TNRC6B: variants seen among roughly 807,000 people sequenced by gnomAD.
TNRC6B encodes the protein trinucleotide repeat-containing gene 6B protein.
In TNRC6B, 52 loss-of-function variants were observed where a neutral mutation model predicts 203.6. That is an observed-to-expected ratio of 0.26 (90% CI 0.20 to 0.32). The LOEUF (loss-of-function observed/expected upper bound fraction) is 0.32, where lower values mean the gene tolerates loss of function less well. Among genes scored for constraint, TNRC6B ranks in the 10% least tolerant of loss-of-function variants. TNRC6B has a pLI of 1.00. For synonymous variants in TNRC6B, 838 were observed against 845.7 expected (o/e 0.99, Z 0.16); for missense variants, 1,923 against 2,286.2 (o/e 0.84, Z 3.24).
At chr22:40,299,767 TG>T (rs1363029634) in intron 12 of TNRC6B, among the ~76,000 whole-genome samples, 2 of 152,154 alleles carry the variant, frequency 1.3e-5, no homozygotes, top group Non-Finnish European at 2.9e-5. Context: ...ACTAGTCCAG[TG>T]GGTTCAGTAG....
chr22:40,249,765 G>A (rs2070160731), intron 2 of TNRC6B, among the ~76,000 whole-genome samples: 1 of 152,180 alleles, frequency 6.6e-6, no homozygotes, highest in South Asian at 2.1e-4. Context: ...TTCATTCTTG[G>A]ATAAGTAAAG....
intron 1 of TNRC6B, among the ~76,000 whole-genome samples, chr22:40,199,429 C>G (rs2069381223): frequency 6.6e-6 from 1 of 152,122 alleles, no homozygotes. Context: ...AGAGAACACA[C>G]CATTCCCTCT....
chr22:40,263,527 G>A (rs543068558), intron 4 of TNRC6B, among the ~76,000 whole-genome samples: 22 of 152,246 alleles, frequency 1.4e-4, no homozygotes, highest in Admixed American at 3.3e-4. Context: ...AAACGGAGGA[G>A]GCCCCTAAAT....
intron 1 of TNRC6B, among the ~76,000 whole-genome samples, chr22:40,066,638 T>C (rs2067895602): frequency 6.6e-6 from 1 of 152,160 alleles, no homozygotes; most frequent in Non-Finnish European, 1.5e-5. Flanking sequence ...AGTATTTTCA[T>C]TGGTAACCTG....
intron 4 of TNRC6B, among the ~76,000 whole-genome samples, chr22:40,170,828 T>C (rs868413505): frequency 1.6e-5 from 1 of 61,098 alleles, no homozygotes; most frequent in Non-Finnish European, 3.1e-5. Flanking sequence ...TGTGTGTGTA[T>C]ATACATATAT....
chr22:40,124,897 C>T (rs2068475888), intron 2 of TNRC6B, among the ~76,000 whole-genome samples: 1 of 151,820 alleles, frequency 6.6e-6, no homozygotes, highest in Non-Finnish European at 1.5e-5. Flanking sequence ...CCTGTAGTCC[C>T]AGCTACTTGG....
chr22:40,272,151 A>T (rs536459358), intron 6 of TNRC6B, among the ~76,000 whole-genome samples: 5 of 152,156 alleles, frequency 3.3e-5, no homozygotes, highest in Non-Finnish European at 7.3e-5. Flanking sequence ...ATAAATATAT[A>T]ATCCTATATA....
chr22:40,144,779 T>A (rs1188777751), intron 3 of TNRC6B, among the ~76,000 whole-genome samples: 1 of 151,666 alleles, frequency 6.6e-6, no homozygotes, highest in Non-Finnish European at 1.5e-5. Flanking sequence ...AAGTGGTACA[T>A]ACTGTCAGAT....
In TNRC6B at chr22:40,264,928, G is replaced by A. The variant is rs1364132885; in HGVS notation, c.698G>A (p.Gly233Glu). 1.9e-6 allele frequency: 3 copies of A among 1,613,910 alleles called. No individual in the cohort carries two copies. Among genetic ancestry groups the A allele is most frequent in the Admixed American group, 3.3e-5 (2 of 60,006 alleles). Residue 233 changes from glycine to glutamate, a missense_variant, in exon 5 of 23, where the codon GGA becomes GAA. Gly to Glu is a moderately conservative substitution (Grantham distance 98, BLOSUM62 -2). Around this residue, in one of 8 missense-constraint regions of TNRC6B, gnomAD observed 614 missense variants for 587.7 expected, o/e 1.04. Transcript: ENST00000454349. ...GGCTCTGAGAAGAGCACTCTGCCAG[G>A]AAGCACCACTAGTAACAAAGGAAAA... ...NPGSEKSTLP[G>E]STTSNKGKGS...
intron 5 of TNRC6B, among the ~76,000 whole-genome samples, chr22:40,268,377 TG>T (rs1375616373): frequency 6.6e-6 from 1 of 152,192 alleles, no homozygotes; most frequent in Non-Finnish European, 1.5e-5. Context: ...TGAGCCACTG[TG>T]CCCAGCCAAG....
chr22:40,276,685 C>T (rs1216280074), intron 7 of TNRC6B, among the ~76,000 whole-genome samples: 2 of 152,170 alleles, frequency 1.3e-5, no homozygotes, highest in South Asian at 2.1e-4. Flanking sequence ...CCAAATGACA[C>T]GCACTGACAT....
intron 1 of TNRC6B, among the ~76,000 whole-genome samples, chr22:40,207,940 A>G (rs1037633729): frequency 3.3e-5 from 5 of 151,906 alleles, no homozygotes; most frequent in African/African-American, 4.8e-5. Flanking sequence ...GTGAAACCCC[A>G]TCTCTACTAG....
At chr22:40,121,258 C>T (rs1308838979) in intron 2 of TNRC6B, among the ~76,000 whole-genome samples, 1 of 145,570 alleles carries the variant, frequency 6.9e-6, no homozygotes, top group East Asian at 2.3e-4. Flanking sequence ...TTCCTTCCTT[C>T]CTTGTATAGC....
intron 1 of TNRC6B, among the ~76,000 whole-genome samples, chr22:40,048,755 C>CA (rs925331044): frequency 2.6e-5 from 4 of 151,790 alleles, no homozygotes; most frequent in South Asian, 2.1e-4. Flanking sequence ...TCCATCACTC[C>CA]AAAAAAAACT....
At chr22:40,137,564 T>C (rs1458635029) in intron 3 of TNRC6B, among the ~76,000 whole-genome samples, 1 of 152,152 alleles carries the variant, frequency 6.6e-6, no homozygotes, top group Non-Finnish European at 1.5e-5. Context: ...GAAGAGATGG[T>C]TAGAGCATTG....
At chr22:40,299,729 G>A (rs947598284) in intron 12 of TNRC6B, among the ~76,000 whole-genome samples, 5 of 152,156 alleles carry the variant, frequency 3.3e-5, no homozygotes, top group African/African-American at 1.2e-4. Context: ...TCACGGACAC[G>A]TTCTTAAGCT....
chr22:40,113,685 GTTAC>G (rs2068362407), intron 1 of TNRC6B, among the ~76,000 whole-genome samples: 1 of 152,126 alleles, frequency 6.6e-6, no homozygotes, highest in Admixed American at 6.5e-5. Flanking sequence ...TATTATTTGT[GTTAC>G]TTAATTAACT....
At chr22:40,049,385 C>T (rs185506152) in intron 1 of TNRC6B, among the ~76,000 whole-genome samples, 126 of 152,184 alleles carry the variant, frequency 8.3e-4, no homozygotes, top group African/African-American at 3.0e-3. Context: ...CTCCTTCTTA[C>T]CTTTTGGGGC....
At position 40,287,773 on chromosome 22, in the gene TNRC6B, C is replaced by T. The variant is rs534615570; in HGVS notation, c.3708+2003C>T. On this transcript the variant is annotated intron_variant, in intron 12 of 22. Coordinates refer to ENST00000454349, the MANE Select transcript of TNRC6B (RefSeq NM_001162501.2). The stretch of plus-strand genomic sequence containing the variant: ...TGCACAGATGGAGAAAATGCCATCT[C>T]TCTCTCTGCAGCCTCTTGGAGTTGG... 2.0e-5 allele frequency among the ~76,000 whole-genome samples: 3 copies of T among 152,312 alleles called. No individual in the cohort carries two copies. In the South Asian group the frequency reaches 6.2e-4, roughly 32 times the overall value.
Sources: gnomAD v4.1 joint callset for allele counts (sites outside exome capture counted in the v4.1 genomes callset) on GRCh38, gnomAD v4.1.1 for gene constraint, gnomAD v4.1.1 regional missense constraint, MANE v1.5 for transcripts, NCBI Gene and HGNC (gene_info 2026-07-23, HGNC 2026-07-21) for gene names.